SP140: variants seen among roughly 807,000 people sequenced by gnomAD.
SP140 encodes the protein SP140 nuclear body protein.
Under a neutral mutation model 125.0 loss-of-function variants are expected in SP140, and 81 were observed. The ratio of observed to expected loss-of-function variants is 0.65; its 90% CI spans 0.54 to 0.78. The LOEUF (loss-of-function observed/expected upper bound fraction) is 0.78, where lower values mean the gene tolerates loss of function less well. Among genes scored for constraint, SP140 ranks in the 30% least tolerant of loss-of-function variants. SP140 has a pLI of 0.00. For synonymous variants in SP140, 312 were observed against 354.0 expected (o/e 0.88, Z 1.33); for missense variants, 858 against 1,037.0 (o/e 0.83, Z 2.37).
intron 14 of SP140, among the ~76,000 whole-genome samples, 192 bp from the exon 15 acceptor site, chr2:230,270,394 A>T (rs1406346888): frequency 6.6e-6 from 1 of 152,140 alleles, no homozygotes; most frequent in Non-Finnish European, 1.5e-5. Context: ...CGTATTTTTG[A>T]TAGAAGACCC....
rs368632448 is a variant in SP140, at chr2:230,292,586, G to A, written c.1826-60G>A. On this transcript the variant is annotated intron_variant, in intron 19 of 26. Coordinates refer to ENST00000392045, the MANE Select transcript of SP140 (RefSeq NM_007237.5). Reference sequence around the variant, plus strand: ...GGCTCTAGATCCAGTGTGGTGAGTGGCCATAGTCTGTGCGCTGGGAAAAAA... The same window carrying A: ...GGCTCTAGATCCAGTGTGGTGAGTGACCATAGTCTGTGCGCTGGGAAAAAA... 5.6e-6 allele frequency: 9 copies of A among 1,608,102 alleles called. No homozygotes were observed. In the African/African-American group the frequency reaches 9.3e-5, roughly 17 times the overall value.
chr2:230,238,154 A>T, intron 2 of SP140, 59 bp from the exon 3 acceptor site: 1 of 1,272,852 alleles, frequency 7.9e-7, no homozygotes, highest in East Asian at 2.3e-5. Context: ...CTACAACCTA[A>T]AAGTCTTTTG....
chr2:230,291,026 C>A (rs1024784713), intron 19 of SP140, among the ~76,000 whole-genome samples: 2 of 152,126 alleles, frequency 1.3e-5, no homozygotes, highest in African/African-American at 4.8e-5. Flanking sequence ...GAGAAGGGAA[C>A]CTTTCTGAAC....
chr2:230,313,448 G>A (rs1226183513), downstream of SP140, among the ~76,000 whole-genome samples: 2 of 152,160 alleles, frequency 1.3e-5, no homozygotes, highest in African/African-American at 4.8e-5. Flanking sequence ...GTGACACCCC[G>A]TGGCCTGAGG....
downstream of SP140, among the ~76,000 whole-genome samples, chr2:230,314,919 T>A (rs2059474040): frequency 6.6e-6 from 1 of 152,216 alleles, no homozygotes. Context: ...AGTTCCAGCA[T>A]AACAGAGGCC....
At chr2:230,216,092 GCCTGCCTGTCTCA>G (rs1415240901) in intron 3 of SP140, among the ~76,000 whole-genome samples, 3 of 152,160 alleles carry the variant, frequency 2.0e-5, no homozygotes, top group African/African-American at 7.2e-5. Flanking sequence ...ATCTCCCAGT[GCCTGCCTGTCTCA>G]CATCAGAATG....
intron 7 of SP140, among the ~76,000 whole-genome samples, 192 bp from the exon 8 acceptor site, chr2:230,247,724 C>G (rs1388450644): frequency 1.3e-5 from 2 of 152,190 alleles, no homozygotes; most frequent in Non-Finnish European, 2.9e-5. Flanking sequence ...GCAATTACTT[C>G]AAGGTTTATA....
At chr2:230,195,623 C>T in the SP140 span, among the ~76,000 whole-genome samples, 1 of 152,026 alleles carries the variant, frequency 6.6e-6, no homozygotes, top group Admixed American at 6.6e-5. Flanking sequence ...AGCCGGCATG[C>T]CTTATTAATT....
At chr2:230,203,278 A>G (rs536172455) in exon 1 of SP140, 6 of 163,698 alleles carry the variant, frequency 3.7e-5, no homozygotes, top group Non-Finnish European at 6.8e-5. Context: ...GAGGGTGCAG[A>G]GGTGAGTTTG....
At chr2:230,224,212 C>T (rs2148993935), upstream of SP140, among the ~76,000 whole-genome samples, 1 of 152,296 alleles carries the variant, frequency 6.6e-6, no homozygotes, top group South Asian at 2.1e-4. Flanking sequence ...TGGCCTTGTG[C>T]TTATAAGCAA....
intron 12 of SP140, among the ~76,000 whole-genome samples, chr2:230,262,351 T>A (rs1204588437): frequency 6.6e-6 from 1 of 152,208 alleles, no homozygotes; most frequent in Non-Finnish European, 1.5e-5. Flanking sequence ...TCTTGGTTAA[T>A]CTTGCCAATG....
At chr2:230,305,330 A>G (rs182865592) in intron 22 of SP140, among the ~76,000 whole-genome samples, 65 of 152,366 alleles carry the variant, frequency 4.3e-4, no homozygotes, top group African/African-American at 1.4e-3. Context: ...TACAGCCACT[A>G]CAGAAAACAG....
intron 1 of SP140, among the ~76,000 whole-genome samples, chr2:230,232,593 CTTTTT>C (rs2047419081): frequency 6.6e-6 from 1 of 152,084 alleles, no homozygotes; most frequent in South Asian, 2.1e-4. Flanking sequence ...GACAAACTTT[CTTTTT>C]GTTTTAAATT....
intron 1 of SP140, among the ~76,000 whole-genome samples, chr2:230,235,347 T>C (rs7578826): frequency 0.52 from 79,200 of 151,916 alleles, 21,136 homozygotes; most frequent in African/African-American, 0.62. Flanking sequence ...TCTTTCATAC[T>C]TAGGTTAAAA....
chr2:230,269,189 G>A lies in SP140; in HGVS notation c.1241-343G>A, dbSNP rs545159943. The stretch of plus-strand genomic sequence containing the variant: ...TGGGCTCGCTTTCAGAAATGTGACT[G>A]GGGATATAAGTAGTCAGTGGCCAAT... On this transcript the variant is annotated intron_variant, in intron 12 of 26. Transcript: ENST00000392045. Among the ~76,000 whole-genome samples, 12 of 152,220 alleles carry A rather than the reference G, an allele frequency of 7.9e-5. No homozygotes were observed. The South Asian group carries it at 2.3e-3, about 29-fold the overall frequency.
chr2:230,191,541 G>A, the SP140 span, among the ~76,000 whole-genome samples: 2 of 152,080 alleles, frequency 1.3e-5, no homozygotes, highest in East Asian at 3.9e-4. Context: ...AGAAGAAATG[G>A]ATAAATTCCT....
chr2:230,305,378 A>C (rs1440152884), intron 22 of SP140, among the ~76,000 whole-genome samples: 1 of 152,232 alleles, frequency 6.6e-6, no homozygotes, highest in Non-Finnish European at 1.5e-5. Context: ...TAGATCTACC[A>C]TTTCATCCAG....
intron 1 of SP140, chr2:230,212,975 G>A: frequency 6.2e-7 from 1 of 1,614,036 alleles, no homozygotes; most frequent in Non-Finnish European, 8.5e-7. Context: ...GGCCAGTTGG[G>A]GCTTCAAGTA....
intron 12 of SP140, among the ~76,000 whole-genome samples, chr2:230,264,089 C>A (rs999413223): frequency 6.6e-6 from 1 of 152,116 alleles, no homozygotes; most frequent in African/African-American, 2.4e-5. Context: ...GAATTCTCTT[C>A]TTCCTCAGGA....
Sources: allele counts gnomAD v4.1 joint callset (sites outside exome capture counted in the v4.1 genomes callset), GRCh38; gene constraint gnomAD v4.1.1; transcripts MANE v1.5; gene names NCBI Gene and HGNC (gene_info 2026-07-23, HGNC 2026-07-21).